Variants in RINT1 observed in about 807,000 individuals in gnomAD.
RINT1 encodes the protein RAD50 interactor 1, also known as RAD50-interacting protein 1.
Under a neutral mutation model 97.7 loss-of-function variants are expected in RINT1, and 75 were observed. That is an observed-to-expected ratio of 0.77 (90% CI 0.64 to 0.93). The LOEUF is 0.93. RINT1 is among the 40% of genes least tolerant of loss of function. RINT1 has a pLI of 0.00. For synonymous variants in RINT1, 303 were observed against 326.3 expected, an observed-to-expected ratio of 0.93 and a Z score of 0.77; for missense variants, 892 against 925.2, an observed-to-expected ratio of 0.96 and a Z score of 0.47.
At chr7:105,547,640 T>G (rs1446841420) in intron 6 of RINT1, among the ~76,000 whole-genome samples, 2 of 152,062 alleles carry the variant, frequency 1.3e-5, no homozygotes, top group East Asian at 3.8e-4. Flanking sequence ...TAGCGTGAAT[T>G]TAATCAAATG....
Position 105,550,119 on chromosome 7 carries a change from A to C in RINT1, c.1061A>C (p.Lys354Thr). The change falls in exon 8 of 15, where the codon AAG (lysine) becomes ACG (threonine). Residue 354 changes from lysine (K) to threonine (T), a missense_variant. Transcript: ENST00000257700. ...AACCATACTGAATTTCTGGATGAGA[A>C]GATTCAGCCAATATTAGACAAAGTA... ...IGNHTEFLDEKIQPILDKVGS... is the reference protein window; with the variant it reads ...IGNHTEFLDETIQPILDKVGS... 1 of 1,613,960 alleles carries C rather than the reference A, an allele frequency of 6.2e-7. No individual in the cohort carries two copies. Among genetic ancestry groups the C allele is most frequent in the Non-Finnish European group, 8.5e-7 (1 of 1,179,854 alleles).
chr7:105,536,477 G>A, intron 2 of RINT1, 88 bp from the exon 3 acceptor site: 2 of 962,572 alleles, frequency 2.1e-6, no homozygotes, highest in Non-Finnish European at 3.0e-6. Context: ...AACTTTTGAA[G>A]GCAGATAAAC....
At chr7:105,535,033 T>C (rs1268758151) in intron 2 of RINT1, among the ~76,000 whole-genome samples, 1 of 152,142 alleles carries the variant, frequency 6.6e-6, no homozygotes, top group African/African-American at 2.4e-5. Flanking sequence ...ATAAGCCTAA[T>C]GTGTATTGGA....
At chr7:105,563,384 G>A (rs1791527038) in intron 11 of RINT1, among the ~76,000 whole-genome samples, 1 of 152,120 alleles carries the variant, frequency 6.6e-6, no homozygotes, top group Non-Finnish European at 1.5e-5. Flanking sequence ...GTTTTGAGAT[G>A]GAGTCTCACT....
chr7:105,539,903 G>C (rs1020174854), intron 3 of RINT1, among the ~76,000 whole-genome samples: 11 of 152,162 alleles, frequency 7.2e-5, no homozygotes, highest in African/African-American at 2.7e-4. Context: ...CCTGAAGGAC[G>C]GATGCTGTGT....
intron 4 of RINT1, among the ~76,000 whole-genome samples, chr7:105,546,183 A>T (rs1212001008): frequency 1.3e-5 from 2 of 152,300 alleles, no homozygotes; most frequent in East Asian, 3.9e-4. Context: ...AAAGTATGTA[A>T]CAATTGAAGA....
chr7:105,561,468 A>G (rs1190451418), intron 11 of RINT1, among the ~76,000 whole-genome samples: 1 of 152,142 alleles, frequency 6.6e-6, no homozygotes, highest in Non-Finnish European at 1.5e-5. Context: ...GGGAGATTGC[A>G]GTAAGCCGAG....
chr7:105,561,736 A>AT (rs1209862363), intron 11 of RINT1, among the ~76,000 whole-genome samples: 1 of 151,508 alleles, frequency 6.6e-6, no homozygotes, highest in Non-Finnish European at 1.5e-5. Context: ...TAATTTTTGT[A>AT]TTTTTAGTAG....
intron 11 of RINT1, among the ~76,000 whole-genome samples, chr7:105,558,285 AAC>A (rs1220329887): frequency 8.9e-6 from 1 of 112,426 alleles, no homozygotes; most frequent in Admixed American, 1.1e-4. Context: ...GCAAGAGCAA[AAC>A]AGTCTCAAAA....
rs773448838 is a variant in RINT1 at position 105,536,527 on chromosome 7, C to A, written c.89-38C>A. 6 of 1,396,290 alleles carry A rather than the reference C, an allele frequency of 4.3e-6. 1 individual carries two copies. The South Asian group carries it at 6.7e-5, about 16-fold the overall frequency. 86.5% of individuals were successfully genotyped at this position (1,396,290 alleles called of 1,614,324 possible). A position where few individuals can be genotyped will look rare whatever the true frequency, so the allele number is the denominator to read the frequency against. On this transcript the variant is annotated intron_variant, in intron 2 of 14. Coordinates refer to ENST00000257700, the MANE Select transcript of RINT1 (RefSeq NM_021930.6). ...TTATATTTTCTTTAACTCCATAGTA[C>A]TTAGTGGCGTTGAGTAATTGTTATT...
chr7:105,554,748 C>T (rs1207062284), intron 10 of RINT1, among the ~76,000 whole-genome samples: 1 of 152,134 alleles, frequency 6.6e-6, no homozygotes, highest in African/African-American at 2.4e-5. Context: ...CCAAAACTGT[C>T]ATTTTTATGT....
At chr7:105,562,143 G>T (rs376073859) in intron 11 of RINT1, among the ~76,000 whole-genome samples, 1 of 151,988 alleles carries the variant, frequency 6.6e-6, no homozygotes, top group Admixed American at 6.6e-5. Flanking sequence ...TGCTTTTTCC[G>T]GTTAACAATA....
At chr7:105,547,453 C>A in intron 6 of RINT1, 120 bp downstream of exon 6, 2 of 1,005,068 alleles carry the variant, frequency 2.0e-6, no homozygotes, top group Non-Finnish European at 3.0e-6. Flanking sequence ...TGTGTTTGGA[C>A]TTGGTCTGTA....
chr7:105,540,104 A>G (rs895117286), intron 3 of RINT1, among the ~76,000 whole-genome samples: 6 of 137,092 alleles, frequency 4.4e-5, no homozygotes, highest in African/African-American at 1.4e-4. Flanking sequence ...TTTGAGATGG[A>G]GTCTTCCTCT....
At chr7:105,542,206 A>AG in intron 3 of RINT1, 1 of 514,404 alleles carries the variant, frequency 1.9e-6, no homozygotes. Context: ...GTAGTGGTGC[A>AG]TATGTGTAGT....
At chr7:105,550,211 T>C in intron 8 of RINT1, 46 bp downstream of exon 8, 1 of 1,604,162 alleles carries the variant, frequency 6.2e-7, no homozygotes, top group Non-Finnish European at 8.5e-7. Context: ...ACTGTATGTG[T>C]GCATGGATAA....
At chr7:105,540,563 AATTTTT>A (rs1790415075) in intron 3 of RINT1, among the ~76,000 whole-genome samples, 1 of 151,744 alleles carries the variant, frequency 6.6e-6, no homozygotes, top group Non-Finnish European at 1.5e-5. Context: ...TGCCCGGCTG[AATTTTT>A]GTATTTTTAG....
chr7:105,550,329 A>C lies in RINT1; in HGVS notation c.1176A>C (p.Leu392=), dbSNP rs779306364. The change falls in exon 9 of 15, where the codon CTA becomes CTC. Residue 392 remains leucine (L), a synonymous_variant. Coordinates refer to ENST00000257700, the MANE Select transcript of RINT1 (RefSeq NM_021930.6). ...TAGCCACTGATATTCCTTGTCTGCT[A>C]TATGATGACAATCTCTTCTGTCATT... ...EKLATDIPCL[L]YDDNLFCHLV... 2 of 1,614,100 alleles carry C rather than the reference A, an allele frequency of 1.2e-6. No homozygotes were observed. The highest frequency in any genetic ancestry group is 2.7e-5 in the African/African-American group (2 of 75,056).
chr7:105,546,014 G>A (rs937155929), intron 4 of RINT1, among the ~76,000 whole-genome samples: 3 of 145,116 alleles, frequency 2.1e-5, no homozygotes, highest in Non-Finnish European at 3.0e-5. Flanking sequence ...AAGGGGGGGC[G>A]GGGGGCGTTT....
Sources: gnomAD v4.1 joint callset for allele counts (sites outside exome capture counted in the v4.1 genomes callset) on GRCh38, gnomAD v4.1.1 for gene constraint, MANE v1.5 for transcripts, NCBI Gene and HGNC (gene_info 2026-07-23, HGNC 2026-07-21) for gene names.